Variants in TMEM178B observed in about 807,000 individuals in gnomAD.
TMEM178B encodes the protein transmembrane protein 178B.
In TMEM178B, 5 loss-of-function variants were observed where a neutral mutation model predicts 31.0. The ratio of observed to expected loss-of-function variants is 0.16; its 90% CI spans 0.08 to 0.34. The LOEUF (loss-of-function observed/expected upper bound fraction) is 0.34, where lower values mean the gene tolerates loss of function less well. Among genes scored for constraint, TMEM178B ranks in the 10% least tolerant of loss-of-function variants. TMEM178B has a pLI of 1.00. For synonymous variants in TMEM178B, 164 were observed against 164.0 expected, an observed-to-expected ratio of 1.00 and a Z score of 0.00; for missense variants, 275 against 400.3, an observed-to-expected ratio of 0.69 and a Z score of 2.67.
At chr7:141,507,367 C>A in the TMEM178B span, among the ~76,000 whole-genome samples, 1 of 152,140 alleles carries the variant, frequency 6.6e-6, no homozygotes, top group Non-Finnish European at 1.5e-5. Context: ...ATCTAGGTTC[C>A]CAAACCTCAA....
intron 2 of TMEM178B, among the ~76,000 whole-genome samples, chr7:141,226,258 G>C (rs768650808): frequency 8.5e-5 from 13 of 152,140 alleles, no homozygotes; most frequent in Non-Finnish European, 1.9e-4. Context: ...CTGCTCTTCA[G>C]GTGGTTGTTC....
chr7:141,291,511 CTTCCT>C (rs1798545575), intron 2 of TMEM178B, among the ~76,000 whole-genome samples: 1 of 152,118 alleles, frequency 6.6e-6, no homozygotes, highest in Admixed American at 6.5e-5. Context: ...ATCACACTGA[CTTCCT>C]TTCTTTGTTG....
chr7:141,142,590 G>A (rs1586792655), intron 1 of TMEM178B, among the ~76,000 whole-genome samples: 1 of 152,096 alleles, frequency 6.6e-6, no homozygotes, highest in East Asian at 1.9e-4. Flanking sequence ...TGTATTTTTA[G>A]TAGAGATGGG....
intron 2 of TMEM178B, among the ~76,000 whole-genome samples, chr7:141,226,470 T>A (rs1419926821): frequency 6.6e-6 from 1 of 152,052 alleles, no homozygotes; most frequent in African/African-American, 2.4e-5. Flanking sequence ...TTCCTTTACA[T>A]CAAAAAGAAT....
intron 2 of TMEM178B, among the ~76,000 whole-genome samples, chr7:141,285,465 G>T (rs1486598444): frequency 2.0e-5 from 3 of 151,580 alleles, no homozygotes; most frequent in Admixed American, 6.6e-5. Context: ...GCCAATTCAG[G>T]GTTCCACAGT....
intron 2 of TMEM178B, among the ~76,000 whole-genome samples, chr7:141,239,501 A>G (rs965260413): frequency 1.3e-5 from 2 of 152,150 alleles, no homozygotes; most frequent in Non-Finnish European, 1.5e-5. Context: ...TCGCTTGGAA[A>G]GGGTCATACC....
chr7:141,337,128 T>TCAC (rs1799425264), intron 2 of TMEM178B, among the ~76,000 whole-genome samples: 3 of 30,436 alleles, frequency 9.9e-5, no homozygotes, highest in African/African-American at 2.6e-4. Context: ...ATCACCACCA[T>TCAC]CACCACCACC....
intron 2 of TMEM178B, among the ~76,000 whole-genome samples, chr7:141,255,255 G>C (rs1337856097): frequency 6.6e-6 from 1 of 152,180 alleles, no homozygotes; most frequent in Non-Finnish European, 1.5e-5. Flanking sequence ...CTTCTGGGTG[G>C]GATAGGGGTG....
At chr7:141,468,131 G>C in intron 3 of TMEM178B, among the ~76,000 whole-genome samples, 1 of 152,072 alleles carries the variant, frequency 6.6e-6, no homozygotes, top group East Asian at 1.9e-4. Flanking sequence ...CTGGATCTGG[G>C]CTTTGGCCGA....
intron 2 of TMEM178B, among the ~76,000 whole-genome samples, chr7:141,333,126 T>A (rs2116493702): frequency 6.6e-6 from 1 of 152,338 alleles, no homozygotes; most frequent in Admixed American, 6.5e-5. Context: ...CAGATCTCAA[T>A]GACATCTCAG....
At chr7:141,388,084 A>T (rs1196476267) in intron 2 of TMEM178B, among the ~76,000 whole-genome samples, 1 of 152,206 alleles carries the variant, frequency 6.6e-6, no homozygotes, top group Non-Finnish European at 1.5e-5. Context: ...AGATGACATT[A>T]TACGACATGT....
In TMEM178B at chr7:141,472,153, C is replaced by T. The variant is rs1021801787; in HGVS notation, c.*1367C>T. On this transcript the variant is annotated 3_prime_UTR_variant, in exon 4 of 4. Coordinates refer to ENST00000565468, the MANE Select transcript of TMEM178B (RefSeq NM_001195278.2). The stretch of plus-strand genomic sequence containing the variant: ...ATAGAAGCTGTCCTTTGTCACTGGA[C>T]ATCTCCCCTTTCCCTAGGGGTGACC... 1 of 152,168 alleles carries T rather than the reference C, an allele frequency of 6.6e-6. No homozygotes were observed. Among genetic ancestry groups the T allele is most frequent in the Non-Finnish European group, 1.5e-5 (1 of 68,034 alleles). 9.4% of individuals were successfully genotyped at this position (152,168 alleles called of 1,614,324 possible).
intron 2 of TMEM178B, among the ~76,000 whole-genome samples, chr7:141,220,949 T>C (rs2129189474): frequency 6.6e-6 from 1 of 152,334 alleles, no homozygotes; most frequent in South Asian, 2.1e-4. Flanking sequence ...TATTTCCAGG[T>C]GCCAACCAGG....
At chr7:141,314,429 T>C (rs941534378) in intron 2 of TMEM178B, among the ~76,000 whole-genome samples, 24 of 152,236 alleles carry the variant, frequency 1.6e-4, no homozygotes, top group Non-Finnish European at 3.2e-4. Flanking sequence ...GGCTATGCCA[T>C]TGCAGTCACT....
intron 2 of TMEM178B, among the ~76,000 whole-genome samples, chr7:141,430,764 C>T (rs1178459425): frequency 6.6e-6 from 1 of 152,186 alleles, no homozygotes; most frequent in Non-Finnish European, 1.5e-5. Context: ...CTCTCTCTCT[C>T]TTTCCACCTC....
chr7:141,490,785 C>T, the TMEM178B span, among the ~76,000 whole-genome samples: 7 of 152,188 alleles, frequency 4.6e-5, no homozygotes, highest in East Asian at 1.9e-4. Context: ...AGCAGCTTCC[C>T]GTTTACTGAA....
chr7:141,390,589 G>A (rs1307972474), intron 2 of TMEM178B, among the ~76,000 whole-genome samples: 2 of 152,104 alleles, frequency 1.3e-5, no homozygotes, highest in African/African-American at 4.8e-5. Context: ...CTACAATTTG[G>A]TTCACCTTGC....
Position 141,461,222 on chromosome 7 carries a change from C to T in TMEM178B, c.635-9314C>T, listed in dbSNP as rs1206071666. 6.6e-6 allele frequency among the ~76,000 whole-genome samples: 1 copy of T among 152,208 alleles called. No homozygotes were observed. The highest frequency in any genetic ancestry group is 2.4e-5 in the African/African-American group (1 of 41,460). Reference sequence around the variant, plus strand: ...GAGGACTTGGCTGCTTCTTCTCTGACCTCCCTGATACACAGCCACGTGGGT... The same window carrying T: ...GAGGACTTGGCTGCTTCTTCTCTGATCTCCCTGATACACAGCCACGTGGGT... On this transcript the variant is annotated intron_variant, in intron 3 of 3. Coordinates refer to ENST00000565468, the MANE Select transcript of TMEM178B (RefSeq NM_001195278.2). This position sits in a 1 kb window ranked among gnomAD's most constrained non-coding sequence, Gnocchi z 4.0.
At chr7:141,331,849 T>C (rs1216908100) in intron 2 of TMEM178B, among the ~76,000 whole-genome samples, 5 of 152,242 alleles carry the variant, frequency 3.3e-5, no homozygotes, top group Non-Finnish European at 7.3e-5. Context: ...GGGGCAGACC[T>C]TGGGGTTTTC....
Sources: gnomAD v4.1 joint callset for allele counts (sites outside exome capture counted in the v4.1 genomes callset) on GRCh38, gnomAD v4.1.1 for gene constraint, Gnocchi (gnomAD v3.1) non-coding constraint, MANE v1.5 for transcripts, NCBI Gene and HGNC (gene_info 2026-07-23, HGNC 2026-07-21) for gene names.